Variants in CSGALNACT1 observed in about 807,000 individuals in gnomAD.
CSGALNACT1 encodes beta4GalNAcT-1.
CSGALNACT1 carries 52 observed loss-of-function variants against 51.0 expected under a neutral mutation model. The ratio of observed to expected loss-of-function variants is 1.02; its 90% CI spans 0.82 to 1.29. The LOEUF (loss-of-function observed/expected upper bound fraction) is 1.29, where lower values mean the gene tolerates loss of function less well. CSGALNACT1 is among the 50% of genes most tolerant of loss of function. The probability of loss-of-function intolerance (pLI) is 0.00; values close to 1 mark genes in which losing one functional copy is unlikely to be tolerated. For missense variants in CSGALNACT1, 935 were observed against 679.2 expected (o/e 1.38, Z -4.19); for synonymous variants, 341 against 254.4 (o/e 1.34, Z -3.24).
intron 4 of CSGALNACT1, among the ~76,000 whole-genome samples, chr8:19,480,026 T>C (rs1420733329): frequency 6.6e-6 from 1 of 152,216 alleles, no homozygotes; most frequent in Non-Finnish European, 1.5e-5. Context: ...TTCTTTTGTT[T>C]GAATTACAAA....
At chr8:19,543,671 A>G (rs958275399) in intron 3 of CSGALNACT1, among the ~76,000 whole-genome samples, 1 of 152,198 alleles carries the variant, frequency 6.6e-6, no homozygotes. Context: ...CTCTTTATGT[A>G]GCCTTTCATG....
Position 19,465,683 on chromosome 8 carries a change from A to T in CSGALNACT1, c.635-7041T>A, listed in dbSNP as rs544779080. Among the ~76,000 whole-genome samples, 20 of 152,314 alleles carry T rather than the reference A, an allele frequency of 1.3e-4. No individual in the cohort carries two copies. In the East Asian group the frequency reaches 1.7e-3, roughly 13 times the overall value. ...TCTCTTCTTCAGGCACTTCTGTCTT[A>T]GAGCTTTAAACTCTCTTCCTAAACT... is the stretch of plus-strand genomic sequence containing the variant. On this transcript the variant is annotated intron_variant, in intron 4 of 9. Coordinates refer to ENST00000454498, the Ensembl canonical transcript of CSGALNACT1.
chr8:19,710,505 T>C (rs1361353165), intron 1 of CSGALNACT1, among the ~76,000 whole-genome samples: 9 of 152,066 alleles, frequency 5.9e-5, no homozygotes, highest in African/African-American at 1.9e-4. Flanking sequence ...GAACAAAGAG[T>C]ACATTGGTCA....
At chr8:19,471,764 A>C (rs962373267) in intron 4 of CSGALNACT1, among the ~76,000 whole-genome samples, 5 of 152,226 alleles carry the variant, frequency 3.3e-5, no homozygotes, top group Admixed American at 6.5e-5. Context: ...AACAAGGCTG[A>C]AGTGAGAAAA....
At chr8:19,576,775 T>C (rs1243495721) in intron 3 of CSGALNACT1, among the ~76,000 whole-genome samples, 1 of 152,036 alleles carries the variant, frequency 6.6e-6, no homozygotes, top group Non-Finnish European at 1.5e-5. Flanking sequence ...GAGCCAATAC[T>C]TGGGCCCGCT....
chr8:19,665,007 G>A (rs188429258), intron 1 of CSGALNACT1, among the ~76,000 whole-genome samples: 30 of 152,262 alleles, frequency 2.0e-4, no homozygotes, highest in African/African-American at 7.0e-4. Context: ...TAACAAAAAT[G>A]CACTTGTACT....
intron 3 of CSGALNACT1, among the ~76,000 whole-genome samples, chr8:19,529,958 C>T (rs184981046): frequency 3.7e-4 from 57 of 152,228 alleles, no homozygotes; most frequent in African/African-American, 6.7e-4. Flanking sequence ...CAGTGGCTCA[C>T]GCCTGTAATC....
chr8:19,738,438 A>G (rs2064117593), intron 1 of CSGALNACT1, among the ~76,000 whole-genome samples: 1 of 152,220 alleles, frequency 6.6e-6, no homozygotes, highest in South Asian at 2.1e-4. Context: ...AAATTTATAC[A>G]GACAGAAGGT....
At chr8:19,549,968 C>T (rs1168460518) in intron 3 of CSGALNACT1, among the ~76,000 whole-genome samples, 1 of 152,068 alleles carries the variant, frequency 6.6e-6, no homozygotes, top group East Asian at 1.9e-4. Context: ...TGGGAAATCT[C>T]TTTTTGTTTT....
chr8:19,749,283 CT>C (rs973884103), intron 1 of CSGALNACT1, among the ~76,000 whole-genome samples: 1 of 150,606 alleles, frequency 6.6e-6, no homozygotes, highest in African/African-American at 2.4e-5. Context: ...ACAAAATGGG[CT>C]TTTGAAAATT....
At chr8:19,739,981 G>C (rs1007044925) in intron 1 of CSGALNACT1, among the ~76,000 whole-genome samples, 2 of 152,100 alleles carry the variant, frequency 1.3e-5, no homozygotes, top group Non-Finnish European at 1.5e-5. Flanking sequence ...TCTTTCTTAT[G>C]GGTACTTTTG....
chr8:19,471,708 T>C (rs1010886404), intron 4 of CSGALNACT1, among the ~76,000 whole-genome samples: 2 of 151,688 alleles, frequency 1.3e-5, no homozygotes, highest in African/African-American at 2.4e-5. Context: ...AAAGGTAGAG[T>C]ACAAGGACAG....
upstream of CSGALNACT1, among the ~76,000 whole-genome samples, chr8:19,604,684 G>C (rs1211461563): frequency 6.7e-6 from 1 of 149,760 alleles, no homozygotes; most frequent in Non-Finnish European, 1.5e-5. Context: ...GAGGCGGGCA[G>C]ATCACAATGT....
exon 5 of CSGALNACT1, chr8:19,458,429 A>C: frequency 6.2e-7 from 1 of 1,613,980 alleles, no homozygotes; most frequent in South Asian, 1.1e-5. Flanking sequence ...AACCAACCTG[A>C]AATTCTGCAT....
chr8:19,513,829 A>C (rs1432854576), intron 3 of CSGALNACT1, among the ~76,000 whole-genome samples: 4 of 152,174 alleles, frequency 2.6e-5, no homozygotes, highest in African/African-American at 7.2e-5. Flanking sequence ...AGACAAAGAA[A>C]GGGTACAGTA....
chr8:19,574,973 T>A (rs1266647627), intron 3 of CSGALNACT1, among the ~76,000 whole-genome samples: 2 of 151,542 alleles, frequency 1.3e-5, no homozygotes, highest in Admixed American at 6.6e-5. Flanking sequence ...AAGTGGAGGT[T>A]GCAGTGAGGT....
chr8:19,433,381 G>C (rs555747816), intron 6 of CSGALNACT1, among the ~76,000 whole-genome samples: 1 of 152,212 alleles, frequency 6.6e-6, no homozygotes, highest in Non-Finnish European at 1.5e-5. Flanking sequence ...TAGCCCTAGA[G>C]AGGTACATGG....
At chr8:19,514,473 G>C (rs1381382648) in intron 3 of CSGALNACT1, among the ~76,000 whole-genome samples, 3 of 57,630 alleles carry the variant, frequency 5.2e-5, no homozygotes, top group South Asian at 6.7e-4. Context: ...TTTGAACAGA[G>C]ACTATATATA....
At chr8:19,755,786 G>C (rs949782297) in intron 1 of CSGALNACT1, among the ~76,000 whole-genome samples, 8 of 152,192 alleles carry the variant, frequency 5.3e-5, no homozygotes, top group African/African-American at 1.9e-4. Flanking sequence ...TTTACAAATA[G>C]ACATATAAGA....
Sources: gnomAD v4.1 joint callset for allele counts (sites outside exome capture counted in the v4.1 genomes callset) on GRCh38, gnomAD v4.1.1 for gene constraint, MANE v1.5 for transcripts, NCBI Gene and HGNC (gene_info 2026-07-23, HGNC 2026-07-21) for gene names.